SUPT3H: variants seen among roughly 807,000 people sequenced by gnomAD.
SUPT3H encodes transcription initiation protein SPT3 homolog.
In SUPT3H, 44 loss-of-function variants were observed where a neutral mutation model predicts 44.3. That is an observed-to-expected ratio of 0.99 (90% CI 0.78 to 1.28). The LOEUF is 1.28. SUPT3H is among the 50% of genes most tolerant of loss of function. The pLI is 0.00. For synonymous variants in SUPT3H, 124 were observed against 125.6 expected (o/e 0.99, Z 0.09); for missense variants, 380 against 387.1 (o/e 0.98, Z 0.15).
At chr6:45,244,026 C>A (rs915502183) in intron 2 of SUPT3H, among the ~76,000 whole-genome samples, 1 of 152,268 alleles carries the variant, frequency 6.6e-6, no homozygotes, top group East Asian at 1.9e-4. Flanking sequence ...GGAAGACAGG[C>A]ATGTGCCACC....
intron 3 of SUPT3H, among the ~76,000 whole-genome samples, chr6:45,069,436 A>G (rs775343360): frequency 4.1e-4 from 63 of 152,210 alleles, no homozygotes; most frequent in Admixed American, 1.6e-3. Flanking sequence ...AGAGTAAGGA[A>G]AAAGGATGGA....
At chr6:45,335,345 A>T (rs1788344021) in intron 2 of SUPT3H, among the ~76,000 whole-genome samples, 1 of 151,216 alleles carries the variant, frequency 6.6e-6, no homozygotes, top group African/African-American at 2.4e-5. Flanking sequence ...CATGACATTT[A>T]TTTTACTATG....
At chr6:45,160,792 C>T (rs1808823362) in intron 2 of SUPT3H, among the ~76,000 whole-genome samples, 1 of 151,998 alleles carries the variant, frequency 6.6e-6, no homozygotes, top group East Asian at 1.9e-4. Context: ...CCAAAGTTTC[C>T]ATTCTAGGTC....
chr6:45,051,363 C>T (rs929341273), intron 3 of SUPT3H, among the ~76,000 whole-genome samples: 1 of 151,840 alleles, frequency 6.6e-6, no homozygotes, highest in Non-Finnish European at 1.5e-5. Context: ...GTAGGAAGCA[C>T]AGCTATAAGC....
chr6:45,188,508 T>C (rs1413230015), intron 2 of SUPT3H, among the ~76,000 whole-genome samples: 2 of 152,172 alleles, frequency 1.3e-5, no homozygotes, highest in Non-Finnish European at 2.9e-5. Flanking sequence ...TTTGGTACTA[T>C]TTGTGGTTTA....
In SUPT3H at chr6:45,375,883, T is replaced by C. The variant is rs200235202; in HGVS notation, c.-1+1885A>G. Among the ~76,000 whole-genome samples, 20 of 152,276 alleles carry C rather than the reference T, an allele frequency of 1.3e-4. No homozygotes were observed. The East Asian group carries it at 3.5e-3, about 26-fold the overall frequency. ...TAAAGTAATTTTGTGAAACATCTATTACCTAATTTCACTTATCTCTCCAAA... is the reference window on the plus strand; with the variant it reads ...TAAAGTAATTTTGTGAAACATCTATCACCTAATTTCACTTATCTCTCCAAA... On this transcript the variant is annotated intron_variant, in intron 1 of 10. Transcript: ENST00000371459.
chr6:45,054,818 C>T (rs1790865858), intron 3 of SUPT3H, among the ~76,000 whole-genome samples: 1 of 152,182 alleles, frequency 6.6e-6, no homozygotes, highest in East Asian at 1.9e-4. Flanking sequence ...AAACCACAGG[C>T]AGACTTGTAA....
At chr6:45,199,565 C>T (rs1285018) in intron 2 of SUPT3H, among the ~76,000 whole-genome samples, 149,664 of 151,440 alleles carry the variant, frequency 0.99, 73,991 homozygotes, top group Middle Eastern at 1. Flanking sequence ...TTTTCCTACA[C>T]TATGGTCAGG....
intron 2 of SUPT3H, among the ~76,000 whole-genome samples, chr6:45,335,352 T>C (rs1788345380): frequency 6.6e-6 from 1 of 151,308 alleles, no homozygotes; most frequent in African/African-American, 2.4e-5. Flanking sequence ...TTTATTTTAC[T>C]ATGTAATATG....
intron 3 of SUPT3H, among the ~76,000 whole-genome samples, chr6:45,048,184 G>A (rs953901737): frequency 2.0e-5 from 3 of 147,370 alleles, no homozygotes; most frequent in Admixed American, 6.7e-5. Flanking sequence ...TATGGCTTGC[G>A]AATATTTTCT....
intron 6 of SUPT3H, among the ~76,000 whole-genome samples, chr6:44,988,431 T>C (rs1239433215): frequency 2.0e-5 from 3 of 147,694 alleles, no homozygotes; most frequent in African/African-American, 7.5e-5. Flanking sequence ...TTGGAAAATA[T>C]ATATCTATAT....
At chr6:45,190,150 C>T (rs1047607234) in intron 2 of SUPT3H, among the ~76,000 whole-genome samples, 4 of 151,968 alleles carry the variant, frequency 2.6e-5, no homozygotes, top group Admixed American at 6.6e-5. Flanking sequence ...CTTGTTAAAG[C>T]TTTAATATGC....
chr6:45,277,840 C>G (rs188281488), intron 2 of SUPT3H, among the ~76,000 whole-genome samples: 11 of 152,210 alleles, frequency 7.2e-5, no homozygotes, highest in African/African-American at 2.6e-4. Flanking sequence ...ACAGCTGTTA[C>G]TTTTTCAAAC....
intron 10 of SUPT3H, among the ~76,000 whole-genome samples, chr6:44,911,134 T>C (rs660643): frequency 0.047 from 7,179 of 152,110 alleles, 241 homozygotes; most frequent in South Asian, 0.13. Flanking sequence ...TTATTATCCA[T>C]ATCAAGTAAC....
At chr6:44,857,280 A>G (rs1436829152) in intron 10 of SUPT3H, among the ~76,000 whole-genome samples, 4 of 152,246 alleles carry the variant, frequency 2.6e-5, no homozygotes, top group Admixed American at 2.0e-4. Context: ...TAATGGACAC[A>G]TAAGTTTTAT....
chr6:45,351,864 G>A (rs1792125117), intron 2 of SUPT3H, among the ~76,000 whole-genome samples: 1 of 152,102 alleles, frequency 6.6e-6, no homozygotes, highest in African/African-American at 2.4e-5. Context: ...TTGAAAAAGA[G>A]TAATACAGCC....
intron 3 of SUPT3H, among the ~76,000 whole-genome samples, chr6:45,075,748 G>A (rs1165941996): frequency 6.6e-6 from 1 of 152,004 alleles, no homozygotes; most frequent in African/African-American, 2.4e-5. Context: ...GCAAAGCACT[G>A]CCCAGGATGA....
intron 2 of SUPT3H, among the ~76,000 whole-genome samples, chr6:45,241,432 T>C (rs1159093787): frequency 6.6e-6 from 1 of 152,248 alleles, no homozygotes; most frequent in Admixed American, 6.5e-5. Context: ...GACATGTTTC[T>C]GCTGCAGGAA....
intron 2 of SUPT3H, among the ~76,000 whole-genome samples, chr6:45,128,503 CAAAAAAAAAAAAA>C (rs1168489460): frequency 1.6e-4 from 2 of 12,462 alleles, no homozygotes; most frequent in Non-Finnish European, 2.4e-4. Flanking sequence ...GACTCTGTCT[CAAAAAAAAAAAAA>C]AAAAAAAAAA....
Sources: gnomAD v4.1 joint callset for allele counts (sites outside exome capture counted in the v4.1 genomes callset) on GRCh38, gnomAD v4.1.1 for gene constraint, MANE v1.5 for transcripts, NCBI Gene and HGNC (gene_info 2026-07-23, HGNC 2026-07-21) for gene names.